Variants in DEFB126 observed in about 807,000 individuals in gnomAD.
DEFB126 encodes beta-defensin 126.
A neutral mutation model predicts 2.5 loss-of-function variants in DEFB126; 2 were observed. The observed-to-expected ratio is 0.79, with a 90% CI of 0.32 to 2.49. DEFB126 has a LOEUF of 2.49. Among genes scored for constraint, DEFB126 ranks in the 30% most tolerant of loss-of-function variants. DEFB126 has a pLI of 0.11. For missense variants in DEFB126, 136 were observed against 135.4 expected, an observed-to-expected ratio of 1.00 and a Z score of -0.02; for synonymous variants, 51 against 45.4, an observed-to-expected ratio of 1.12 and a Z score of -0.50.
chr20:144,480 C>T (rs1342137), intron 1 of DEFB126, among the ~76,000 whole-genome samples: 52,429 of 151,672 alleles, frequency 0.35, 9,487 homozygotes, highest in Middle Eastern at 0.4. Context: ...TTTCTTTCTC[C>T]CCCTCTCCAA....
At chr20:143,868 C>T (rs1332867427) in intron 1 of DEFB126, among the ~76,000 whole-genome samples, 1 of 152,104 alleles carries the variant, frequency 6.6e-6, no homozygotes, top group Non-Finnish European at 1.5e-5. Flanking sequence ...CTTCCACTAA[C>T]TTAGTAAGTC....
At chr20:145,035 A>C (rs1385229236) in intron 1 of DEFB126, among the ~76,000 whole-genome samples, 1 of 152,112 alleles carries the variant, frequency 6.6e-6, no homozygotes, top group Non-Finnish European at 1.5e-5. Context: ...AGCATTTCTT[A>C]TTTTTGAAAT....
At chr20:143,299 A>G (rs2054655522) in intron 1 of DEFB126, among the ~76,000 whole-genome samples, 2 of 152,218 alleles carry the variant, frequency 1.3e-5, no homozygotes, top group Non-Finnish European at 2.9e-5. Flanking sequence ...TTACAAAACC[A>G]AGACAAGAAC....
chr20:143,477 T>C (rs1226830113), intron 1 of DEFB126, among the ~76,000 whole-genome samples: 1 of 152,166 alleles, frequency 6.6e-6, no homozygotes, highest in Non-Finnish European at 1.5e-5. Flanking sequence ...CAATTTGCAG[T>C]AGATGCTTAT....
rs1346226144 is a variant in DEFB126 at position 142,614 on chromosome 20, A to G, written c.-15A>G. On this transcript the variant is annotated 5_prime_UTR_variant, in exon 1 of 2. Transcript: ENST00000382398. ...AATAGAGACTTCTGGACTCTATAGA[A>G]CCCACTGCCTCCTGATGAAGTCCCT... 1 of 1,613,616 alleles carries G rather than the reference A, an allele frequency of 6.2e-7. No individual in the cohort carries two copies. Among genetic ancestry groups the G allele is most frequent in the Non-Finnish European group, 8.5e-7 (1 of 1,179,582 alleles).
In DEFB126 at chr20:145,696, T is replaced by C. The variant is rs752658778; in HGVS notation, c.*4T>C. On this transcript the variant is annotated 3_prime_UTR_variant, in exon 2 of 2. Coordinates refer to ENST00000382398, the MANE Select transcript of DEFB126 (RefSeq NM_030931.4). ...CCCCGTTTCTCCCACTGGTTGAACATTCCAGCCTCTGTCTCCTGCTCTAGG... is the reference window on the plus strand; with the variant it reads ...CCCCGTTTCTCCCACTGGTTGAACACTCCAGCCTCTGTCTCCTGCTCTAGG... 1 of 1,608,288 alleles carries C rather than the reference T, an allele frequency of 6.2e-7. No homozygotes were observed. Among genetic ancestry groups the C allele is most frequent in the Admixed American group, 1.7e-5 (1 of 59,980 alleles).
chr20:143,163 T>C (rs995711952), intron 1 of DEFB126, among the ~76,000 whole-genome samples: 1 of 152,102 alleles, frequency 6.6e-6, no homozygotes, highest in Non-Finnish European at 1.5e-5. Context: ...TTTCTATATA[T>C]GTATAGGACT....
intron 1 of DEFB126, among the ~76,000 whole-genome samples, chr20:143,717 G>A (rs2054656967): frequency 6.6e-6 from 1 of 152,006 alleles, no homozygotes; most frequent in Admixed American, 6.6e-5. Flanking sequence ...GTTACTATTG[G>A]AGTATTTGTA....
chr20:145,514 GCAAA>G lies in DEFB126; in HGVS notation c.163_166del (p.Gln55GlyfsTer28), dbSNP rs11467497. 0.15 allele frequency: 250,113 copies of G among 1,613,660 alleles called. 20,495 individuals carry two copies. The highest frequency in any genetic ancestry group is 0.26 in the African/African-American group (19,644 of 74,916). On this transcript the variant is annotated frameshift_variant, in exon 2 of 2. Transcript: ENST00000382398. LOFTEE classifies it low-confidence loss of function (END_TRUNC). The stretch of plus-strand genomic sequence containing the variant: ...GTAAAGAATGGTTGGGCAATGTGCG[GCAAA>G]CAAAGGGACTGCTGTGTTCCAGCTG...
rs774254945 is a variant in DEFB126 at position 142,637 on chromosome 20, C to G, written c.9C>G (p.Ser3=). 3.5e-5 allele frequency: 57 copies of G among 1,613,646 alleles called. No individual in the cohort carries two copies. The highest frequency in any genetic ancestry group is 4.8e-5 in the Non-Finnish European group (57 of 1,179,730). The change falls in exon 1 of 2, where the codon TCC becomes TCG. Residue 3 remains serine, a synonymous_variant. Transcript: ENST00000382398. ...GAACCCACTGCCTCCTGATGAAGTC[C>G]CTACTGTTCACCCTTGCAGTTTTTA... is the stretch of plus-strand genomic sequence containing the variant. MK[S]LLFTLAVFML...
chr20:143,615 G>C (rs762712905), intron 1 of DEFB126, among the ~76,000 whole-genome samples: 8 of 152,102 alleles, frequency 5.3e-5, no homozygotes, highest in Admixed American at 2.0e-4. Flanking sequence ...ATCATTGTGA[G>C]ATTCTCTGTT....
rs34119369 is a variant in DEFB126 at position 145,573 on chromosome 20, G to A, written c.217G>A (p.Val73Ile). 966 of 1,613,788 alleles carry A rather than the reference G, an allele frequency of 6.0e-4. 7 individuals are homozygous for A. Among genetic ancestry groups the A allele is most frequent in the Non-Finnish European group, 1.3e-4 (159 of 1,179,916 alleles). ...ACGTGCTAATTATCCTGTTTTCTGT[G>A]TCCAGACAAAGACTACAAGAATTTC... ...DRRANYPVFC[V>I]QTKTTRISTV... is the part of the protein sequence containing the mutation. Residue 73 changes from valine to isoleucine, a missense_variant, in exon 2 of 2, where the codon GTC (valine) becomes ATC (isoleucine). By Grantham distance (29) the Val-to-Ile change is conservative. Coordinates refer to ENST00000382398, the MANE Select transcript of DEFB126 (RefSeq NM_030931.4).
At chr20:143,923 T>C (rs1166444625) in intron 1 of DEFB126, among the ~76,000 whole-genome samples, 1 of 152,148 alleles carries the variant, frequency 6.6e-6, no homozygotes, top group East Asian at 1.9e-4. Flanking sequence ...TTTTGTTTTT[T>C]ACACCGGACT....
rs749552138 is a variant in DEFB126, at chr20:142,719, G to T, written c.58+33G>T. ...GAATCTTGGGGAAGAAGAAACACTG[G>T]CCTGGAACAGGGTCCTGCACATGGA... On this transcript the variant is annotated intron_variant, in intron 1 of 1. Transcript: ENST00000382398. The T allele has an allele frequency of 1.9e-6, 3 of 1,608,920 alleles. No homozygotes were observed. The South Asian group carries it at 3.3e-5, about 18-fold the overall frequency.
At chr20:143,169 G>T (rs560932562) in intron 1 of DEFB126, among the ~76,000 whole-genome samples, 1 of 151,964 alleles carries the variant, frequency 6.6e-6, no homozygotes, top group Non-Finnish European at 1.5e-5. Context: ...TATATGTATA[G>T]GACTGTAAAA....
intron 1 of DEFB126, among the ~76,000 whole-genome samples, chr20:145,162 G>A (rs1222706969): frequency 2.0e-5 from 3 of 152,022 alleles, no homozygotes; most frequent in Non-Finnish European, 4.4e-5. Context: ...AAAATCATGG[G>A]GAATTGGCCC....
chr20:143,109 T>TACAGAGACAGG (rs1323248050), intron 1 of DEFB126, among the ~76,000 whole-genome samples: 2 of 152,124 alleles, frequency 1.3e-5, no homozygotes, highest in East Asian at 3.8e-4. Context: ...ATTTTTTGTT[T>TACAGAGACAGG]GTTTGTTTGT....
intron 1 of DEFB126, among the ~76,000 whole-genome samples, chr20:144,002 T>C (rs962124513): frequency 5.3e-5 from 8 of 152,118 alleles, no homozygotes; most frequent in African/African-American, 1.9e-4. Flanking sequence ...TCCTAATGGG[T>C]TATATAATAA....
rs182792317 is a variant in DEFB126, at chr20:143,418, C to T, written c.58+732C>T. Among the ~76,000 whole-genome samples the T allele has an allele frequency of 1.9e-3, 284 of 152,078 alleles. 1 individual carries two copies. The highest frequency in any genetic ancestry group is 5.9e-3 in the African/African-American group (244 of 41,488). On this transcript the variant is annotated intron_variant, in intron 1 of 1. Coordinates refer to ENST00000382398, the MANE Select transcript of DEFB126 (RefSeq NM_030931.4). ...ATAACCTGCTTTATTTTTTTACCTA[C>T]GATTCTATCAGGAAAATTTTCACAG... is the stretch of plus-strand genomic sequence containing the variant.
Sources: gnomAD v4.1 joint callset for allele counts (sites outside exome capture counted in the v4.1 genomes callset) on GRCh38, gnomAD v4.1.1 for gene constraint, MANE v1.5 for transcripts, NCBI Gene and HGNC (gene_info 2026-07-23, HGNC 2026-07-21) for gene names.